ADK: variants seen among roughly 807,000 people sequenced by gnomAD.
The protein encoded by ADK is N6,N6-dimethyladenosine kinase.
A neutral mutation model predicts 44.7 loss-of-function variants in ADK; 24 were observed. That is an observed-to-expected ratio of 0.54 (90% CI 0.39 to 0.76). The LOEUF (loss-of-function observed/expected upper bound fraction) is 0.76. Among genes scored for constraint, ADK ranks in the 30% least tolerant of loss-of-function variants. ADK has a pLI of 0.00. For missense variants in ADK, 321 were observed against 425.1 expected (o/e 0.76, Z 2.15); for synonymous variants, 128 against 142.6 (o/e 0.90, Z 0.73).
intron 6 of ADK, among the ~76,000 whole-genome samples, chr10:74,485,702 A>G (rs1251139107): frequency 6.6e-6 from 1 of 152,136 alleles, no homozygotes; most frequent in African/African-American, 2.4e-5. Context: ...AATTATATCC[A>G]ATATCTAGAA....
At chr10:74,488,008 A>G (rs983587236) in intron 6 of ADK, among the ~76,000 whole-genome samples, 11 of 152,050 alleles carry the variant, frequency 7.2e-5, no homozygotes, top group Admixed American at 1.3e-4. Flanking sequence ...TGTGTGTCCA[A>G]ATGGCATGTA....
intron 10 of ADK, among the ~76,000 whole-genome samples, chr10:74,693,465 G>C (rs939654309): frequency 5.9e-5 from 9 of 152,128 alleles, no homozygotes; most frequent in African/African-American, 9.7e-5. Context: ...GCTTAGACTT[G>C]TGTCCTGTGG....
chr10:74,628,012 G>A (rs901707103), intron 9 of ADK, among the ~76,000 whole-genome samples: 8 of 152,152 alleles, frequency 5.3e-5, no homozygotes, highest in South Asian at 2.1e-4. Context: ...TTGAGCATAC[G>A]AGGTGGATCA....
intron 1 of ADK, among the ~76,000 whole-genome samples, chr10:74,194,149 A>T (rs1198895517): frequency 1.3e-5 from 2 of 152,080 alleles, no homozygotes; most frequent in Non-Finnish European, 2.9e-5. Context: ...ATCAGGAAAA[A>T]CTTCCCAAGA....
intron 6 of ADK, among the ~76,000 whole-genome samples, chr10:74,405,806 G>A (rs1843902212): frequency 6.6e-6 from 1 of 152,082 alleles, no homozygotes; most frequent in African/African-American, 2.4e-5. Context: ...TCTGCTCTAG[G>A]TCTTTGAAAC....
rs144635391 is a variant in ADK, at chr10:74,379,959, A to G, written c.274-14182A>G. Among the ~76,000 whole-genome samples the G allele has an allele frequency of 6.6e-5, 10 of 152,292 alleles. No homozygotes were observed. The East Asian group carries it at 1.5e-3, about 23-fold the overall frequency. ...AGGATCACTTGAGCCCAAGAGTTCAAGGTTACAGTGAGCTATGATTGTACC... is the reference window on the plus strand; with the variant it reads ...AGGATCACTTGAGCCCAAGAGTTCAGGGTTACAGTGAGCTATGATTGTACC... On this transcript the variant is annotated intron_variant, in intron 4 of 10. Transcript: ENST00000539909.
intron 4 of ADK, among the ~76,000 whole-genome samples, chr10:74,338,210 A>G (rs1841473259): frequency 3.3e-5 from 5 of 152,238 alleles, no homozygotes; most frequent in Non-Finnish European, 1.5e-5. Flanking sequence ...ATTCTTAGCC[A>G]TTAGAGAAGT....
intron 7 of ADK, among the ~76,000 whole-genome samples, chr10:74,542,584 G>T (rs1302913331): frequency 6.6e-6 from 1 of 152,022 alleles, no homozygotes; most frequent in Non-Finnish European, 1.5e-5. Flanking sequence ...GGTTTACTCA[G>T]TAGTGTCGCT....
chr10:74,257,544 T>C (rs1384450954), intron 3 of ADK, among the ~76,000 whole-genome samples: 2 of 152,212 alleles, frequency 1.3e-5, no homozygotes, highest in African/African-American at 2.4e-5. Flanking sequence ...ATTGAGCATA[T>C]TGTTTTTGAA....
chr10:74,497,549 G>A (rs959552429), intron 6 of ADK, among the ~76,000 whole-genome samples: 1 of 152,168 alleles, frequency 6.6e-6, no homozygotes, highest in African/African-American at 2.4e-5. Flanking sequence ...TGGTTCTAGG[G>A]ATATGGTAAT....
intron 2 of ADK, among the ~76,000 whole-genome samples, chr10:74,209,044 G>A (rs1173608832): frequency 6.6e-6 from 1 of 152,068 alleles, no homozygotes; most frequent in African/African-American, 2.4e-5. Flanking sequence ...GCATAGATAA[G>A]TGGTATATTG....
intron 4 of ADK, among the ~76,000 whole-genome samples, chr10:74,360,193 T>C (rs1162798641): frequency 6.6e-6 from 1 of 152,154 alleles, no homozygotes; most frequent in Non-Finnish European, 1.5e-5. Flanking sequence ...CTTCACTGTT[T>C]GAAGTTAAAC....
At chr10:74,243,532 AC>A (rs562945535) in intron 3 of ADK, among the ~76,000 whole-genome samples, 313 of 152,322 alleles carry the variant, frequency 2.1e-3, no homozygotes, top group African/African-American at 7.0e-3. Context: ...ATTATTCAGC[AC>A]ACTGTTAGTA....
At chr10:74,531,524 C>T (rs1317404626) in intron 7 of ADK, among the ~76,000 whole-genome samples, 1 of 152,018 alleles carries the variant, frequency 6.6e-6, no homozygotes, top group Admixed American at 6.6e-5. Flanking sequence ...GTGTTTAATT[C>T]TTTTCTGTTT....
intron 8 of ADK, among the ~76,000 whole-genome samples, chr10:74,598,440 CCTTTTTTTTTTTTTT>C (rs1039586741): frequency 6.1e-5 from 7 of 114,072 alleles, no homozygotes; most frequent in African/African-American, 2.8e-4. Flanking sequence ...GAATCTTATT[CCTTTTTTTTTTTTTT>C]TTTTTTTTTT....
chr10:74,346,233 T>C (rs530645221), intron 4 of ADK, among the ~76,000 whole-genome samples: 3 of 152,298 alleles, frequency 2.0e-5, no homozygotes, highest in Admixed American at 1.3e-4. Context: ...CATGTTTTTT[T>C]TTCTTCCCAA....
chr10:74,573,563 A>C (rs1350954196), intron 7 of ADK, among the ~76,000 whole-genome samples: 1 of 152,198 alleles, frequency 6.6e-6, no homozygotes, highest in Non-Finnish European at 1.5e-5. Flanking sequence ...TTAAGTCTGC[A>C]GAGGTTACTG....
At chr10:74,394,402 C>T (rs1843440210) in intron 5 of ADK, 89 bp downstream of exon 5, 8 of 1,230,022 alleles carry the variant, frequency 6.5e-6, no homozygotes, top group South Asian at 1.2e-5. Context: ...GGAATTTTGA[C>T]TTTATAATTC....
chr10:74,275,439 G>A (rs1437190485), intron 3 of ADK, among the ~76,000 whole-genome samples: 3 of 151,998 alleles, frequency 2.0e-5, no homozygotes, highest in Non-Finnish European at 4.4e-5. Context: ...TTATTAACTA[G>A]GACAGATCTT....
Sources: allele counts gnomAD v4.1 joint callset (sites outside exome capture counted in the v4.1 genomes callset), GRCh38; gene constraint gnomAD v4.1.1; transcripts MANE v1.5; gene names NCBI Gene and HGNC (gene_info 2026-07-23, HGNC 2026-07-21).